Variants in RANBP2 observed in about 807,000 individuals in gnomAD.
The protein encoded by RANBP2 is E3 SUMO-protein ligase RanBP2.
A neutral mutation model predicts 303.6 loss-of-function variants in RANBP2; 57 were observed. The ratio of observed to expected loss-of-function variants is 0.19; its 90% CI spans 0.15 to 0.23. The LOEUF is 0.23. RANBP2 is among the 10% of genes least tolerant of loss of function. RANBP2 has a pLI of 1.00. For missense variants in RANBP2, 3,138 were observed against 3,780.8 expected, an observed-to-expected ratio of 0.83 and a Z score of 4.46; for synonymous variants, 1,167 against 1,301.5, an observed-to-expected ratio of 0.90 and a Z score of 2.23.
At chr2:109,594,910 C>T in the RANBP2 span, 1 of 150,684 alleles carries the variant, frequency 6.6e-6, no homozygotes, top group Non-Finnish European at 1.5e-5. Flanking sequence ...TTTTTTGAGA[C>T]AGAGTCTCAC....
chr2:109,709,254 T>C, the RANBP2 span, among the ~76,000 whole-genome samples: 113,446 of 150,018 alleles, frequency 0.76, 46,642 homozygotes, highest in East Asian at 0.97. Context: ...TGCAGTGGGC[T>C]GAGATCGCAC....
At chr2:108,793,332 C>CA in the RANBP2 span, among the ~76,000 whole-genome samples, 3 of 151,698 alleles carry the variant, frequency 2.0e-5, no homozygotes, top group Non-Finnish European at 4.4e-5. Flanking sequence ...GACTCCGTCT[C>CA]AAAAAACAAA....
At chr2:109,076,224 G>A in the RANBP2 span, among the ~76,000 whole-genome samples, 1 of 149,966 alleles carries the variant, frequency 6.7e-6, no homozygotes, top group Non-Finnish European at 1.5e-5. Flanking sequence ...GAAAATATTT[G>A]AAAAAAATCA....
chr2:108,730,318 CT>C (rs1695064330), intron 2 of RANBP2, among the ~76,000 whole-genome samples: 1 of 149,790 alleles, frequency 6.7e-6, no homozygotes, highest in Non-Finnish European at 1.5e-5. Context: ...GGATATAGTA[CT>C]GTTAGAAATT....
the RANBP2 span, among the ~76,000 whole-genome samples, chr2:109,686,687 C>T: frequency 6.6e-6 from 1 of 152,318 alleles, no homozygotes; most frequent in Non-Finnish European, 1.5e-5. Flanking sequence ...TCTCAGCTCA[C>T]AGTAACCTCC....
chr2:109,765,379 T>C, the RANBP2 span, among the ~76,000 whole-genome samples: 1 of 149,452 alleles, frequency 6.7e-6, no homozygotes, highest in Admixed American at 6.8e-5. Flanking sequence ...CCTCTTTCTT[T>C]CTCTTTCTTT....
At chr2:109,597,347 T>C in the RANBP2 span, among the ~76,000 whole-genome samples, 1 of 152,130 alleles carries the variant, frequency 6.6e-6, no homozygotes, top group Admixed American at 6.5e-5. Context: ...AAACACTAAA[T>C]TAGAAAAAAA....
At chr2:109,625,087 C>CAAAAAAAAAAAAAAAAAAA in the RANBP2 span, among the ~76,000 whole-genome samples, 14 of 60,046 alleles carry the variant, frequency 2.3e-4, no homozygotes, top group Admixed American at 6.8e-4. Context: ...ACAACAACAA[C>CAAAAAAAAAAAAAAAAAAA]AAAAAAAAAA....
At chr2:109,393,750 G>A in the RANBP2 span, among the ~76,000 whole-genome samples, 2 of 151,974 alleles carry the variant, frequency 1.3e-5, no homozygotes, top group African/African-American at 4.8e-5. Context: ...GTCAGTGCAG[G>A]GGCCCAGGGG....
the RANBP2 span, among the ~76,000 whole-genome samples, chr2:109,172,442 C>T: frequency 7.2e-5 from 11 of 152,294 alleles, no homozygotes; most frequent in African/African-American, 2.2e-4. Flanking sequence ...CATTAAAATA[C>T]GTTTATTGAG....
At chr2:108,744,883 A>G (rs1401112060) in intron 7 of RANBP2, among the ~76,000 whole-genome samples, 1 of 152,266 alleles carries the variant, frequency 6.6e-6, no homozygotes, top group African/African-American at 2.4e-5. Context: ...TGTTTTATGC[A>G]TCTCCAAGTA....
chr2:108,948,173 C>T, the RANBP2 span, among the ~76,000 whole-genome samples: 1 of 152,202 alleles, frequency 6.6e-6, no homozygotes, highest in South Asian at 2.1e-4. Flanking sequence ...TTTGCTAAAG[C>T]ATAGCAAGAG....
chr2:108,749,297 G>C (rs550559039), intron 9 of RANBP2, among the ~76,000 whole-genome samples, 168 bp downstream of exon 9: 4 of 151,968 alleles, frequency 2.6e-5, no homozygotes, highest in Non-Finnish European at 4.4e-5. Flanking sequence ...TGTATTTTTT[G>C]TTGTTGTTGT....
At chr2:109,750,734 T>TC in the RANBP2 span, among the ~76,000 whole-genome samples, 1 of 102,746 alleles carries the variant, frequency 9.7e-6, no homozygotes, top group African/African-American at 3.6e-5. Flanking sequence ...TAATAATTTT[T>TC]TTTTTTCGAG....
At chr2:109,091,874 A>G in the RANBP2 span, among the ~76,000 whole-genome samples, 2 of 152,056 alleles carry the variant, frequency 1.3e-5, no homozygotes, top group African/African-American at 4.8e-5. Context: ...CTGTAGCCCC[A>G]TTGTGGGATG....
chr2:108,781,448 A>T lies in RANBP2; in HGVS notation c.8760+19A>T. The T allele has an allele frequency of 1.9e-6, 3 of 1,611,772 alleles. No homozygotes were observed. The South Asian group carries it at 3.3e-5, about 18-fold the overall frequency. On this transcript the variant is annotated intron_variant, in intron 26 of 28. Coordinates refer to ENST00000283195, the MANE Select transcript of RANBP2 (RefSeq NM_006267.5). ...ACCAGAGGTAAATGTTAAGGAATTA[A>T]CCTTTTACTAATAACTTATTTTTCA... is the stretch of plus-strand genomic sequence containing the variant.
chr2:109,520,598 C>CAAAAAAA, the RANBP2 span, among the ~76,000 whole-genome samples: 6 of 50,108 alleles, frequency 1.2e-4, no homozygotes, highest in Non-Finnish European at 1.6e-4. Context: ...GACTCCATCT[C>CAAAAAAA]AAAAAAAAAA....
At chr2:108,857,082 T>C in the RANBP2 span, 1 of 524,594 alleles carries the variant, frequency 1.9e-6, no homozygotes, top group African/African-American at 2.4e-5. Context: ...TTTTTTTTTT[T>C]TTTTTTTTTT....
the RANBP2 span, among the ~76,000 whole-genome samples, chr2:109,709,294 G>A: frequency 1.4e-3 from 164 of 113,346 alleles, 1 homozygote; most frequent in African/African-American, 4.5e-3. Flanking sequence ...CAACAAGAGC[G>A]AAACTGTGTC....
Sources: gnomAD v4.1 joint callset for allele counts (sites outside exome capture counted in the v4.1 genomes callset) on GRCh38, gnomAD v4.1.1 for gene constraint, MANE v1.5 for transcripts, NCBI Gene and HGNC (gene_info 2026-07-23, HGNC 2026-07-21) for gene names.